MSI2: variants seen among roughly 807,000 people sequenced by gnomAD.
MSI2 encodes the protein RNA-binding protein Musashi homolog 2.
In MSI2, 17 loss-of-function variants were observed where a neutral mutation model predicts 45.6. The observed-to-expected ratio is 0.37, with a 90% CI of 0.26 to 0.56. The LOEUF is 0.56. MSI2 is among the 20% of genes least tolerant of loss of function. The pLI is 0.77. For missense variants in MSI2, 293 were observed against 444.2 expected, an observed-to-expected ratio of 0.66 and a Z score of 3.06; for synonymous variants, 156 against 158.2, an observed-to-expected ratio of 0.99 and a Z score of 0.11.
At chr17:57,548,928 CA>C (rs2087239220) in intron 7 of MSI2, among the ~76,000 whole-genome samples, 1 of 121,762 alleles carries the variant, frequency 8.2e-6, no homozygotes, top group South Asian at 2.7e-4. Flanking sequence ...CAAAAAAAAT[CA>C]TCTCCCACTG....
chr17:57,286,232 C>CT (rs11312624), intron 5 of MSI2, among the ~76,000 whole-genome samples: 145 of 142,184 alleles, frequency 1.0e-3, no homozygotes, highest in Middle Eastern at 3.6e-3. Context: ...AACAAATAGT[C>CT]TTTTTTTTTT....
At chr17:57,519,679 C>CT (rs777209620) in intron 6 of MSI2, among the ~76,000 whole-genome samples, 24 of 152,314 alleles carry the variant, frequency 1.6e-4, no homozygotes, top group Non-Finnish European at 2.6e-4. Flanking sequence ...CCTCTATTCA[C>CT]TTTTTGGTAG....
At chr17:57,686,974 A>G (rs1913896074), downstream of MSI2, among the ~76,000 whole-genome samples, 2 of 151,948 alleles carry the variant, frequency 1.3e-5, no homozygotes, top group African/African-American at 4.8e-5. Context: ...ATATTCATGG[A>G]ACATAAAAAT....
At chr17:57,659,191 T>A (rs373998496) in intron 11 of MSI2, among the ~76,000 whole-genome samples, 6 of 152,134 alleles carry the variant, frequency 3.9e-5, no homozygotes, top group Admixed American at 3.9e-4. Context: ...TCCCAAGTAG[T>A]TGGAAATGTA....
chr17:57,641,793 G>A (rs1006678062), intron 10 of MSI2, among the ~76,000 whole-genome samples: 10 of 152,192 alleles, frequency 6.6e-5, no homozygotes, highest in African/African-American at 2.4e-4. Flanking sequence ...CAGAAAGATA[G>A]GCAGATAGAT....
intron 10 of MSI2, among the ~76,000 whole-genome samples, chr17:57,637,710 G>T (rs188253289): frequency 6.6e-6 from 1 of 152,206 alleles, no homozygotes; most frequent in Non-Finnish European, 1.5e-5. Context: ...TGTTGAGAGG[G>T]TTAGTCGGAC....
rs771842268 is a variant in MSI2, at chr17:57,348,090, G to C, written c.313-53289G>C. Among the ~76,000 whole-genome samples, 3 of 152,224 alleles carry C rather than the reference G, an allele frequency of 2.0e-5. No homozygotes were observed. The South Asian group carries it at 6.2e-4, about 32-fold the overall frequency. On this transcript the variant is annotated intron_variant, in intron 5 of 13. Coordinates refer to ENST00000284073, the MANE Select transcript of MSI2 (RefSeq NM_138962.4). ...GCATTAGAAGGGGAGAGAAGGTGAC[G>C]TGGCTGTAGGAAGACTCTACTCTGC...
intron 5 of MSI2, among the ~76,000 whole-genome samples, chr17:57,364,561 T>C (rs887905046): frequency 1.3e-5 from 2 of 152,218 alleles, no homozygotes; most frequent in African/African-American, 4.8e-5. Flanking sequence ...AAATTAAGGT[T>C]CTGCTTCTCT....
intron 6 of MSI2, among the ~76,000 whole-genome samples, chr17:57,479,344 T>G (rs1207004573): frequency 1.3e-5 from 2 of 152,180 alleles, no homozygotes; most frequent in African/African-American, 4.8e-5. Flanking sequence ...TAGTTTGACC[T>G]GGAGCATAGG....
At chr17:57,279,977 A>C (rs1909270614) in intron 5 of MSI2, 1 of 151,736 alleles carries the variant, frequency 6.6e-6, no homozygotes, top group Non-Finnish European at 1.5e-5. Flanking sequence ...ATTACCATAA[A>C]TGCTATACAT....
intron 5 of MSI2, among the ~76,000 whole-genome samples, chr17:57,343,474 G>A (rs890705399): frequency 6.6e-6 from 1 of 152,000 alleles, no homozygotes; most frequent in Non-Finnish European, 1.5e-5. Flanking sequence ...TTCACTAATA[G>A]GGTTTTTTCC....
At chr17:57,459,616 T>C (rs936065242) in intron 6 of MSI2, among the ~76,000 whole-genome samples, 1 of 152,050 alleles carries the variant, frequency 6.6e-6, no homozygotes, top group Non-Finnish European at 1.5e-5. Flanking sequence ...TGCATCTGAG[T>C]AGTGGTAGGT....
At chr17:57,364,212 G>A (rs1917024682) in intron 5 of MSI2, among the ~76,000 whole-genome samples, 1 of 152,224 alleles carries the variant, frequency 6.6e-6, no homozygotes, top group Non-Finnish European at 1.5e-5. Flanking sequence ...AGGTGGTGAG[G>A]GGCCAGAAGG....
chr17:57,608,654 C>T (rs1416165558), intron 8 of MSI2, among the ~76,000 whole-genome samples: 3 of 152,240 alleles, frequency 2.0e-5, no homozygotes, highest in Non-Finnish European at 2.9e-5. Context: ...CTTGCAAATC[C>T]TAGTCATTGT....
chr17:57,488,420 AC>A (rs1289822726), intron 6 of MSI2, among the ~76,000 whole-genome samples: 2 of 152,150 alleles, frequency 1.3e-5, no homozygotes, highest in African/African-American at 4.8e-5. Context: ...AACCCCACCT[AC>A]CTTTTGGGCC....
chr17:57,367,517 C>T (rs1170386939), intron 5 of MSI2, among the ~76,000 whole-genome samples: 1 of 152,156 alleles, frequency 6.6e-6, no homozygotes, highest in East Asian at 1.9e-4. Context: ...GCCTTTGGTT[C>T]CATGGCCTGC....
intron 7 of MSI2, among the ~76,000 whole-genome samples, chr17:57,582,400 C>T (rs562204581): frequency 1.3e-5 from 2 of 151,978 alleles, no homozygotes; most frequent in East Asian, 3.9e-4. Flanking sequence ...TAATAGGATA[C>T]ATTAAGAATT....
intron 7 of MSI2, among the ~76,000 whole-genome samples, chr17:57,591,330 G>A (rs1211515475): frequency 6.6e-6 from 1 of 152,044 alleles, no homozygotes; most frequent in African/African-American, 2.4e-5. Context: ...AAAAGACTAT[G>A]ATGCCTTAAA....
At chr17:57,488,682 G>A (rs1567853921) in intron 6 of MSI2, among the ~76,000 whole-genome samples, 3 of 152,122 alleles carry the variant, frequency 2.0e-5, no homozygotes, top group Non-Finnish European at 4.4e-5. Flanking sequence ...AAATTATCTG[G>A]GTATGGTGGT....
Sources: allele counts gnomAD v4.1 joint callset (sites outside exome capture counted in the v4.1 genomes callset), GRCh38; gene constraint gnomAD v4.1.1; transcripts MANE v1.5; gene names NCBI Gene and HGNC (gene_info 2026-07-23, HGNC 2026-07-21).